The following CNTNAP3B variants were observed in gnomAD, a reference collection of about 807,000 sequenced individuals.
CNTNAP3B encodes contactin associated protein family member 3B, also known as contactin-associated protein-like 3B.
In CNTNAP3B, 25 loss-of-function variants were observed where a neutral mutation model predicts 108.9. That is an observed-to-expected ratio of 0.23 (90% CI 0.17 to 0.32). CNTNAP3B has a LOEUF of 0.32. Ranked by LOEUF, CNTNAP3B falls within the 10% of genes least tolerant of loss-of-function variation. The pLI is 1.00. For synonymous variants in CNTNAP3B, 103 were observed against 473.4 expected (o/e 0.22, Z 10.16); for missense variants, 252 against 1,210.4 (o/e 0.21, Z 11.75).
chr9:41,913,735 A>G (rs1823459191), intron 18 of CNTNAP3B, among the ~76,000 whole-genome samples: 1 of 131,304 alleles, frequency 7.6e-6, no homozygotes, highest in Non-Finnish European at 1.6e-5. Context: ...AAATTTGTCT[A>G]TTGATATCTA....
chr9:41,919,652 G>A (rs1183134878), intron 18 of CNTNAP3B, among the ~76,000 whole-genome samples: 19 of 152,336 alleles, frequency 1.2e-4, no homozygotes, highest in South Asian at 6.2e-4. Context: ...TGGGTAAGAC[G>A]ATTGCTCAAG....
chr9:41,968,805 T>C lies in CNTNAP3B; in HGVS notation c.1649+1269A>G, dbSNP rs1370024817. Reference sequence around the variant, plus strand: ...TTCTACCAGATGCAGATATAACTTTTTTTTTTTTTTTGAGAAGAGTCTGGC... The same window carrying C: ...TTCTACCAGATGCAGATATAACTTTCTTTTTTTTTTTGAGAAGAGTCTGGC... On this transcript the variant is annotated intron_variant, in intron 10 of 23. Coordinates refer to ENST00000377561, the MANE Select transcript of CNTNAP3B (RefSeq NM_001201380.3). 7.2e-4 allele frequency among the ~76,000 whole-genome samples: 108 copies of C among 149,148 alleles called. 1 individual carries two copies. The highest frequency in any genetic ancestry group is 1.2e-3 in the Non-Finnish European group (83 of 67,106).
intron 3 of CNTNAP3B, among the ~76,000 whole-genome samples, chr9:42,070,756 C>G (rs2118594289): frequency 6.6e-6 from 1 of 152,304 alleles, no homozygotes; most frequent in African/African-American, 2.4e-5. Flanking sequence ...GACCTTCCTT[C>G]TGCCCCCTCC....
chr9:41,954,185 A>C (rs1323054195), intron 12 of CNTNAP3B, among the ~76,000 whole-genome samples: 1 of 152,262 alleles, frequency 6.6e-6, no homozygotes, highest in African/African-American at 2.4e-5. Context: ...AGAATAATGG[A>C]CATTTTACAT....
chr9:41,965,366 C>A (rs1311673704), intron 10 of CNTNAP3B, among the ~76,000 whole-genome samples: 3 of 151,694 alleles, frequency 2.0e-5, no homozygotes, highest in South Asian at 4.2e-4. Flanking sequence ...GAATCTGCTG[C>A]CGCCCACTAT....
chr9:42,113,514 G>A (rs549293563), intron 1 of CNTNAP3B, among the ~76,000 whole-genome samples: 2 of 139,398 alleles, frequency 1.4e-5, no homozygotes, highest in Admixed American at 1.4e-4. Context: ...CGTGCAGAAA[G>A]ACATCAGACA....
At chr9:42,070,190 T>A in intron 3 of CNTNAP3B, among the ~76,000 whole-genome samples, 1 of 151,170 alleles carries the variant, frequency 6.6e-6, no homozygotes, top group Non-Finnish European at 1.5e-5. Flanking sequence ...GACTAAAGAA[T>A]GTTCTCTAAC....
intron 13 of CNTNAP3B, among the ~76,000 whole-genome samples, chr9:41,939,902 A>G (rs1824281810): frequency 6.6e-6 from 1 of 151,972 alleles, no homozygotes; most frequent in Non-Finnish European, 1.5e-5. Context: ...AATACAGAAG[A>G]CAACCGAAGA....
intron 14 of CNTNAP3B, among the ~76,000 whole-genome samples, chr9:41,930,340 C>T (rs1235798057): frequency 2.0e-5 from 3 of 152,270 alleles, no homozygotes; most frequent in East Asian, 1.9e-4. Flanking sequence ...CTCTGGAGTT[C>T]GAAACCAGCC....
intron 3 of CNTNAP3B, among the ~76,000 whole-genome samples, chr9:42,030,121 G>A: frequency 1.2e-5 from 1 of 82,566 alleles, no homozygotes; most frequent in African/African-American, 5.9e-5. Context: ...TCCAGCCTGG[G>A]CGACAGAGCG....
At chr9:41,928,590 G>T (rs1481788699) in intron 15 of CNTNAP3B, among the ~76,000 whole-genome samples, 3 of 152,290 alleles carry the variant, frequency 2.0e-5, no homozygotes, top group Non-Finnish European at 2.9e-5. Flanking sequence ...GAGAGGCTCA[G>T]GCTCCTTGTT....
intron 10 of CNTNAP3B, among the ~76,000 whole-genome samples, chr9:41,969,619 G>T (rs201325909): frequency 0.067 from 9,655 of 143,444 alleles, 30 homozygotes; most frequent in African/African-American, 0.16. Flanking sequence ...TAGAGATGCA[G>T]TTTTTGTTTT....
intron 10 of CNTNAP3B, among the ~76,000 whole-genome samples, chr9:41,967,757 C>G (rs796123425): frequency 1.3e-5 from 2 of 152,122 alleles, no homozygotes; most frequent in East Asian, 3.9e-4. Context: ...TCAAAATAAT[C>G]TCAGAGGAGC....
chr9:41,963,642 G>A (rs1255043640), intron 11 of CNTNAP3B, among the ~76,000 whole-genome samples: 1 of 151,710 alleles, frequency 6.6e-6, no homozygotes, highest in Non-Finnish European at 1.5e-5. Context: ...TTCTGATTTA[G>A]TAGGTTTGGG....
intron 13 of CNTNAP3B, among the ~76,000 whole-genome samples, chr9:41,940,640 C>G (rs1428630384): frequency 6.6e-6 from 1 of 152,256 alleles, no homozygotes; most frequent in Non-Finnish European, 1.5e-5. Context: ...CACGGTGAAA[C>G]CCCGTCTCTA....
intron 10 of CNTNAP3B, among the ~76,000 whole-genome samples, chr9:41,967,680 A>C (rs1369869725): frequency 1.3e-5 from 2 of 152,262 alleles, no homozygotes; most frequent in Non-Finnish European, 2.9e-5. Flanking sequence ...TTTAATTTTA[A>C]CTCTGTAGGA....
intron 15 of CNTNAP3B, among the ~76,000 whole-genome samples, chr9:41,925,852 C>T (rs1286068253): frequency 6.6e-6 from 1 of 152,276 alleles, no homozygotes; most frequent in Non-Finnish European, 1.5e-5. Flanking sequence ...ATTTTCTCTG[C>T]CACATTTCTG....
At chr9:41,940,763 C>A (rs1306171406) in intron 13 of CNTNAP3B, among the ~76,000 whole-genome samples, 47 of 152,050 alleles carry the variant, frequency 3.1e-4, no homozygotes, top group African/African-American at 1.1e-3. Context: ...TGCAGTGAGC[C>A]GAGATTGTGC....
At chr9:41,964,486 A>T in intron 11 of CNTNAP3B, 52 bp downstream of exon 11, 1 of 1,429,714 alleles carries the variant, frequency 7.0e-7, no homozygotes, top group Non-Finnish European at 9.3e-7. Flanking sequence ...ACTAATCAAA[A>T]TGAAATGACA....
Sources: gnomAD v4.1 joint callset for allele counts (sites outside exome capture counted in the v4.1 genomes callset) on GRCh38, gnomAD v4.1.1 for gene constraint, MANE v1.5 for transcripts, NCBI Gene and HGNC (gene_info 2026-07-23, HGNC 2026-07-21) for gene names.